The following NDUFA5 variants were observed in gnomAD, a reference collection of about 807,000 sequenced individuals.
The protein encoded by NDUFA5 is NADH dehydrogenase [ubiquinone] 1 alpha subcomplex subunit 5.
A neutral mutation model predicts 19.8 loss-of-function variants in NDUFA5; 11 were observed. That is an observed-to-expected ratio of 0.56 (90% CI 0.35 to 0.92). NDUFA5 has a LOEUF of 0.92. Among genes scored for constraint, NDUFA5 ranks in the 40% least tolerant of loss-of-function variants. NDUFA5 has a pLI of 0.01. For missense variants in NDUFA5, 109 were observed against 134.2 expected, an observed-to-expected ratio of 0.81 and a Z score of 0.93; for synonymous variants, 47 against 46.8, an observed-to-expected ratio of 1.00 and a Z score of -0.01.
the NDUFA5 span, among the ~76,000 whole-genome samples, chr7:123,589,111 A>G: frequency 6.6e-6 from 1 of 151,734 alleles, no homozygotes; most frequent in Non-Finnish European, 1.5e-5. Context: ...TTTCCTGTCT[A>G]AATAATCTTT....
chr7:123,544,237 G>A (rs187845715), intron 4 of NDUFA5, among the ~76,000 whole-genome samples: 1 of 152,054 alleles, frequency 6.6e-6, no homozygotes, highest in African/African-American at 2.4e-5. Flanking sequence ...GGTGGCTCAC[G>A]CCTGTAATCC....
chr7:123,601,442 T>G, the NDUFA5 span, among the ~76,000 whole-genome samples: 1 of 152,158 alleles, frequency 6.6e-6, no homozygotes, highest in Non-Finnish European at 1.5e-5. Flanking sequence ...AAATTTGACC[T>G]GAATCTGAAA....
intron 2 of NDUFA5, chr7:123,551,639 T>G (rs573355146): frequency 1.5e-4 from 56 of 379,054 alleles, no homozygotes; most frequent in Admixed American, 5.8e-4. Context: ...AATACGGTCA[T>G]AATACTTCAG....
chr7:123,591,692 T>C, the NDUFA5 span, among the ~76,000 whole-genome samples: 2 of 152,192 alleles, frequency 1.3e-5, no homozygotes, highest in South Asian at 2.1e-4. Flanking sequence ...GTTGCTGGAT[T>C]CGGTTTGCCA....
the NDUFA5 span, among the ~76,000 whole-genome samples, chr7:123,593,348 T>C: frequency 6.6e-6 from 1 of 152,204 alleles, no homozygotes; most frequent in Non-Finnish European, 1.5e-5. Flanking sequence ...CGTTAATTGA[T>C]GCAGTTTCTT....
the NDUFA5 span, among the ~76,000 whole-genome samples, chr7:123,563,070 G>C: frequency 9.9e-5 from 15 of 152,110 alleles, 1 homozygote; most frequent in Admixed American, 9.8e-4. Context: ...GAATGTGCTG[G>C]GGTTACAGGT....
chr7:123,569,357 G>A, the NDUFA5 span, among the ~76,000 whole-genome samples: 4 of 152,102 alleles, frequency 2.6e-5, no homozygotes, highest in Admixed American at 2.6e-4. Flanking sequence ...TCAGATACAT[G>A]TAAATAGCAA....
the NDUFA5 span, among the ~76,000 whole-genome samples, chr7:123,594,842 C>A: frequency 1.3e-5 from 2 of 152,202 alleles, no homozygotes; most frequent in Admixed American, 6.5e-5. Context: ...GACGTTTAAG[C>A]CTGCAGAAGC....
intron 3 of NDUFA5, 196 bp downstream of exon 3, chr7:123,550,274 C>A: frequency 2.0e-6 from 1 of 488,362 alleles, no homozygotes; most frequent in South Asian, 2.3e-5. Context: ...GTCTCAAACT[C>A]CAGTATGTAA....
the NDUFA5 span, among the ~76,000 whole-genome samples, chr7:123,582,658 C>T: frequency 2.4e-4 from 36 of 151,810 alleles, no homozygotes; most frequent in Non-Finnish European, 4.0e-4. Context: ...TACATTATCT[C>T]GAAAACTCCT....
the NDUFA5 span, among the ~76,000 whole-genome samples, chr7:123,580,887 A>G: frequency 6.6e-6 from 1 of 152,044 alleles, no homozygotes; most frequent in Non-Finnish European, 1.5e-5. Flanking sequence ...AAGCTTGGTC[A>G]GAGACCGTTC....
At position 123,541,109 on chromosome 7, in the gene NDUFA5, T is replaced by G. The variant is rs1298628638; in HGVS notation, c.*1010A>C. On this transcript the variant is annotated 3_prime_UTR_variant, in exon 5 of 5. Coordinates refer to ENST00000355749, the MANE Select transcript of NDUFA5 (RefSeq NM_005000.5). ...TTCTTTCCCTGAACAGCATTTGTCT[T>G]GTTTTGATACCCACCTACACTTATA... The G allele has an allele frequency of 6.6e-6, 1 of 152,234 alleles. No homozygotes were observed. Among genetic ancestry groups the G allele is most frequent in the African/African-American group, 2.4e-5 (1 of 41,470 alleles). The allele number at this position is 152,234 out of a possible 1,614,324, so 9.4% of individuals were successfully genotyped here. A position where few individuals can be genotyped will look rare whatever the true frequency, so the allele number is the denominator to read the frequency against.
chr7:123,591,239 C>T, the NDUFA5 span, among the ~76,000 whole-genome samples: 4 of 152,200 alleles, frequency 2.6e-5, no homozygotes, highest in Admixed American at 1.3e-4. Flanking sequence ...ATCATGTCAT[C>T]TGCAAATACA....
At chr7:123,592,660 C>A in the NDUFA5 span, among the ~76,000 whole-genome samples, 1 of 152,004 alleles carries the variant, frequency 6.6e-6, no homozygotes, top group Non-Finnish European at 1.5e-5. Flanking sequence ...CCGTTTGTTG[C>A]GATTTCTGTT....
At chr7:123,573,503 C>T in the NDUFA5 span, among the ~76,000 whole-genome samples, 10 of 152,086 alleles carry the variant, frequency 6.6e-5, no homozygotes, top group Non-Finnish European at 1.5e-4. Context: ...AGCAAAGAAG[C>T]AGCTCGGCTG....
At position 123,539,721 on chromosome 7, in the gene NDUFA5, C is replaced by G. The variant is rs1797864074; in HGVS notation, c.*2398G>C. 1 of 152,168 alleles carries G rather than the reference C, an allele frequency of 6.6e-6. No homozygotes were observed. The highest frequency in any genetic ancestry group is 2.1e-4 in the South Asian group (1 of 4,806). 9.4% of individuals were successfully genotyped at this position (152,168 alleles called of 1,614,324 possible). ...GAGCAATTGAGACAGGAGAAAGAACCAATGACCAAATTGCAATACCTTTTA... is the reference window on the plus strand; with the variant it reads ...GAGCAATTGAGACAGGAGAAAGAACGAATGACCAAATTGCAATACCTTTTA... On this transcript the variant is annotated 3_prime_UTR_variant, in exon 5 of 5. Coordinates refer to ENST00000355749, the MANE Select transcript of NDUFA5 (RefSeq NM_005000.5).
At chr7:123,598,196 A>T in the NDUFA5 span, among the ~76,000 whole-genome samples, 1 of 152,106 alleles carries the variant, frequency 6.6e-6, no homozygotes, top group Non-Finnish European at 1.5e-5. Flanking sequence ...TGGAAGTATA[A>T]TATACTTTTA....
chr7:123,562,858 C>T (rs2116234850), upstream of NDUFA5, among the ~76,000 whole-genome samples: 1 of 150,326 alleles, frequency 6.7e-6, no homozygotes, highest in East Asian at 2.0e-4. Flanking sequence ...AGTGCAGCAG[C>T]ACGATCTCGC....
chr7:123,582,368 C>T, the NDUFA5 span, among the ~76,000 whole-genome samples: 1 of 152,038 alleles, frequency 6.6e-6, no homozygotes, highest in East Asian at 1.9e-4. Flanking sequence ...ACAAATAACA[C>T]CACTACCCTA....
Sources: gnomAD v4.1 joint callset for allele counts (sites outside exome capture counted in the v4.1 genomes callset) on GRCh38, gnomAD v4.1.1 for gene constraint, MANE v1.5 for transcripts, NCBI Gene and HGNC (gene_info 2026-07-23, HGNC 2026-07-21) for gene names.